DCTN5: variants seen among roughly 807,000 people sequenced by gnomAD.
DCTN5 encodes the protein dynactin subunit 5.
In DCTN5, 14 loss-of-function variants were observed where a neutral mutation model predicts 23.5. The ratio of observed to expected loss-of-function variants is 0.60; its 90% CI spans 0.39 to 0.93. The LOEUF is 0.93. Ranked by LOEUF, DCTN5 falls within the 40% of genes least tolerant of loss-of-function variation. The pLI is 0.00. For missense variants in DCTN5, 156 were observed against 225.9 expected, an observed-to-expected ratio of 0.69 and a Z score of 1.98; for synonymous variants, 67 against 79.6, an observed-to-expected ratio of 0.84 and a Z score of 0.84.
chr16:23,643,747 G>A (rs531083755), intron 2 of DCTN5, among the ~76,000 whole-genome samples: 1 of 152,148 alleles, frequency 6.6e-6, no homozygotes, highest in South Asian at 2.1e-4. Context: ...AAACGAATGT[G>A]ACAATTGGAA....
intron 2 of DCTN5, among the ~76,000 whole-genome samples, chr16:23,652,583 G>A (rs1268193315): frequency 6.6e-6 from 1 of 152,096 alleles, no homozygotes; most frequent in Non-Finnish European, 1.5e-5. Context: ...GTACATCTAT[G>A]CAACCACTAC....
intron 2 of DCTN5, among the ~76,000 whole-genome samples, chr16:23,656,202 G>T (rs533676185): frequency 6.6e-6 from 1 of 152,294 alleles, no homozygotes; most frequent in South Asian, 2.1e-4. Flanking sequence ...ACTCCAGCCT[G>T]GGTGACAGAG....
At chr16:23,664,055 A>G (rs1967863410) in intron 4 of DCTN5, among the ~76,000 whole-genome samples, 1 of 152,216 alleles carries the variant, frequency 6.6e-6, no homozygotes, top group Non-Finnish European at 1.5e-5. Context: ...TGCCTCATGA[A>G]CTTAGTCTGA....
intron 3 of DCTN5, among the ~76,000 whole-genome samples, chr16:23,660,671 C>G (rs34513): frequency 0.29 from 44,795 of 152,040 alleles, 6,698 homozygotes; most frequent in East Asian, 0.44. Context: ...ACAGTGTTCT[C>G]TCTCTTTTGT....
intron 4 of DCTN5, 92 bp from the exon 5 acceptor site, chr16:23,665,534 G>GCTATTA: frequency 8.3e-7 from 1 of 1,208,790 alleles, no homozygotes. Flanking sequence ...ACCGTCCCTG[G>GCTATTA]CTATTACATG....
chr16:23,648,327 A>AT (rs1258017329), intron 2 of DCTN5, among the ~76,000 whole-genome samples: 8 of 130,264 alleles, frequency 6.1e-5, no homozygotes, highest in African/African-American at 9.4e-5. Context: ...TTGCTGGCTA[A>AT]TTTTTTTTTC....
At chr16:23,645,116 TATA>T (rs1967414830) in intron 2 of DCTN5, among the ~76,000 whole-genome samples, 2 of 41,736 alleles carry the variant, frequency 4.8e-5, no homozygotes, top group African/African-American at 1.9e-4. Flanking sequence ...TATATATATA[TATA>T]TATATATATA....
chr16:23,661,413 T>G, intron 4 of DCTN5, 132 bp downstream of exon 4: 1 of 619,244 alleles, frequency 1.6e-6, no homozygotes, highest in Non-Finnish European at 2.8e-6. Flanking sequence ...GTTGGATTTT[T>G]CTTGACAGAT....
chr16:23,643,157 T>G, intron 2 of DCTN5, 134 bp downstream of exon 2: 1 of 762,312 alleles, frequency 1.3e-6, no homozygotes, highest in Non-Finnish European at 2.1e-6. Flanking sequence ...TTTTTAAATT[T>G]TTTATTTTGT....
chr16:23,675,314 A>G lies in DCTN5; in HGVS notation c.*8170A>G, dbSNP rs188629262. Reference sequence around the variant, plus strand: ...TCAGGAGTTCAAGACCAGCCTGGCAACATGGTGAAATCCTGTGTCTACAAA... The same window carrying G: ...TCAGGAGTTCAAGACCAGCCTGGCAGCATGGTGAAATCCTGTGTCTACAAA... On this transcript the variant is annotated 3_prime_UTR_variant, in exon 6 of 6. Coordinates refer to ENST00000300087, the MANE Select transcript of DCTN5 (RefSeq NM_032486.4). The G allele has an allele frequency of 6.6e-6, 1 of 152,158 alleles. No homozygotes were observed. Among genetic ancestry groups the G allele is most frequent in the African/African-American group, 2.4e-5 (1 of 41,430 alleles). The allele number at this position is 152,158 out of a possible 1,614,324, so 9.4% of individuals were successfully genotyped here.
rs1968059696 is a variant in DCTN5, at chr16:23,674,432, TCTC to T, written c.*7294_*7296del. 6.6e-6 allele frequency: 1 copy of T among 152,228 alleles called. No homozygotes were observed. Among genetic ancestry groups the T allele is most frequent in the Non-Finnish European group, 1.5e-5 (1 of 68,060 alleles). 9.4% of individuals were successfully genotyped at this position (152,228 alleles called of 1,614,324 possible). On this transcript the variant is annotated 3_prime_UTR_variant, in exon 6 of 6. Coordinates refer to ENST00000300087, the MANE Select transcript of DCTN5 (RefSeq NM_032486.4). ...AGGGCACATCGCAAGGACTATGACC[TCTC>T]CTCCTGCTTTTGACAGACCAGACTC...
Position 23,670,481 on chromosome 16 carries a change from C to G in DCTN5, c.*3337C>G, listed in dbSNP as rs1169286345. On this transcript the variant is annotated 3_prime_UTR_variant, in exon 6 of 6. Transcript: ENST00000300087. ...TCTTGGTGGCTAGGGAGGCCTTTCT[C>G]TGTATCCTGTTCTATCCAGTGAGAG... 2.6e-5 allele frequency: 4 copies of G among 152,154 alleles called. No individual in the cohort carries two copies. The highest frequency in any genetic ancestry group is 4.4e-5 in the Non-Finnish European group (3 of 68,046). 9.4% of individuals were successfully genotyped at this position (152,154 alleles called of 1,614,324 possible).
rs1222127661 is a variant in DCTN5 at position 23,676,775 on chromosome 16, A to G, written c.*9631A>G. 1 of 152,230 alleles carries G rather than the reference A, an allele frequency of 6.6e-6. No homozygotes were observed. The highest frequency in any genetic ancestry group is 2.4e-5 in the African/African-American group (1 of 41,442). The allele number at this position is 152,230 out of a possible 1,614,324, so 9.4% of individuals were successfully genotyped here. A position where few individuals can be genotyped will look rare whatever the true frequency, so the allele number is the denominator to read the frequency against. ...ATAAGGAGATGGACTGTGTGAAAAG[A>G]GATGAGAAAGCAGGCCTGTTTGCAA... is the stretch of plus-strand genomic sequence containing the variant. On this transcript the variant is annotated 3_prime_UTR_variant, in exon 6 of 6. Transcript: ENST00000300087.
chr16:23,665,472 CCTT>C (rs1413897381), intron 4 of DCTN5, among the ~76,000 whole-genome samples, 151 bp from the exon 5 acceptor site: 4 of 152,214 alleles, frequency 2.6e-5, no homozygotes, highest in Admixed American at 6.5e-5. Flanking sequence ...CTTGCTGCCT[CCTT>C]CTCGTCAGGT....
rs1408628159 is a variant in DCTN5, at chr16:23,645,116, TATATATATATATATA to T, written c.117+2094_117+2108del. 1.6e-3 allele frequency among the ~76,000 whole-genome samples: 66 copies of T among 41,732 alleles called. 2 individuals are homozygous for T. The highest frequency in any genetic ancestry group is 2.4e-3 in the Non-Finnish European group (53 of 22,010). 27.4% of individuals were successfully genotyped at this position (41,732 alleles called of 152,430 possible). ...ATATATATATATATATATATATATA[TATATATATATATATA>T]TATATATTTTTTTTTTTTTTAATAC... On this transcript the variant is annotated intron_variant, in intron 2 of 5. Coordinates refer to ENST00000300087, the MANE Select transcript of DCTN5 (RefSeq NM_032486.4).
chr16:23,649,295 T>C (rs1967546799), intron 2 of DCTN5, among the ~76,000 whole-genome samples: 1 of 152,196 alleles, frequency 6.6e-6, no homozygotes, highest in Admixed American at 6.5e-5. Context: ...GATGTTTGAG[T>C]TCCTTGTATT....
In DCTN5 at chr16:23,668,410, A is replaced by G. The variant is rs1033771458; in HGVS notation, c.*1266A>G. On this transcript the variant is annotated 3_prime_UTR_variant, in exon 6 of 6. Coordinates refer to ENST00000300087, the MANE Select transcript of DCTN5 (RefSeq NM_032486.4). ...TATTTTTAAAATGTTTATACATAAAACCACCAAAATACATAGCTTCGACAA... is the reference window on the plus strand; with the variant it reads ...TATTTTTAAAATGTTTATACATAAAGCCACCAAAATACATAGCTTCGACAA... 39 of 152,216 alleles carry G rather than the reference A, an allele frequency of 2.6e-4. No individual in the cohort carries two copies. The highest frequency in any genetic ancestry group is 8.2e-4 in the African/African-American group (34 of 41,456). The allele number at this position is 152,216 out of a possible 1,614,324, so 9.4% of individuals were successfully genotyped here.
At chr16:23,665,548 T>G (rs891942923) in intron 4 of DCTN5, 78 bp from the exon 5 acceptor site, 11 of 1,361,318 alleles carry the variant, frequency 8.1e-6, no homozygotes, top group African/African-American at 4.3e-5. Context: ...TTACATGGTA[T>G]CATGAATGGG....
chr16:23,650,597 T>G (rs1967582252), intron 2 of DCTN5, among the ~76,000 whole-genome samples: 1 of 151,944 alleles, frequency 6.6e-6, no homozygotes, highest in Non-Finnish European at 1.5e-5. Context: ...AGTGCTGGGA[T>G]TACAGGCATG....
Sources: allele counts gnomAD v4.1 joint callset (sites outside exome capture counted in the v4.1 genomes callset), GRCh38; gene constraint gnomAD v4.1.1; transcripts MANE v1.5; gene names NCBI Gene and HGNC (gene_info 2026-07-23, HGNC 2026-07-21).